Variants in MYO1A observed in about 807,000 individuals in gnomAD.
MYO1A encodes unconventional myosin-Ia.
A neutral mutation model predicts 138.5 loss-of-function variants in MYO1A; 127 were observed. The ratio of observed to expected loss-of-function variants is 0.92; its 90% CI spans 0.79 to 1.06. MYO1A has a LOEUF of 1.06. MYO1A is among the 50% of genes least tolerant of loss of function. The pLI is 0.00. For missense variants in MYO1A, 1,211 were observed against 1,288.8 expected (o/e 0.94, Z 0.92); for synonymous variants, 477 against 497.5 (o/e 0.96, Z 0.55).
chr12:57,048,239 G>C lies in MYO1A; in HGVS notation c.85C>G (p.Gln29Glu), dbSNP rs2031204669. 6.2e-7 allele frequency: 1 copy of C among 1,614,018 alleles called. No individual in the cohort carries two copies. Among genetic ancestry groups the C allele is most frequent in the African/African-American group, 1.3e-5 (1 of 74,934 alleles). Reference protein sequence around the residue: ...LVEESLLKNLQLRYENKEIYT... With the variant: ...LVEESLLKNLELRYENKEIYT... ...ATCTCCTTGTTTTCATAGCGAAGCT[G>C]AAGATTCTTGAGCAGTGACTCCTCC... Residue 29 changes from glutamine to glutamate, a missense_variant, in exon 2 of 28, where the codon CAG (glutamine) becomes GAG (glutamate). Physicochemically the swap from Gln to Glu is conservative, Grantham distance 29. Transcript: ENST00000300119.
intron 8 of MYO1A, among the ~76,000 whole-genome samples, chr12:57,045,158 G>A (rs2031042151): frequency 6.6e-6 from 1 of 152,220 alleles, no homozygotes; most frequent in South Asian, 2.1e-4. Context: ...GGTTGGGACT[G>A]TGTTTCTCAT....
chr12:57,030,169 G>T, intron 24 of MYO1A, 41 bp downstream of exon 24: 1 of 1,537,960 alleles, frequency 6.5e-7, no homozygotes, highest in Non-Finnish European at 9.0e-7. Flanking sequence ...GAGAACTGCT[G>T]CGTGATGGAA....
At chr12:57,043,005 G>C (rs1291942743) in intron 12 of MYO1A, 67 bp downstream of exon 12, 1 of 1,506,466 alleles carries the variant, frequency 6.6e-7, no homozygotes, top group African/African-American at 1.4e-5. Context: ...CCAAGATATA[G>C]GGCTGGTGAC....
Position 57,047,109 on chromosome 12 carries a change from T to G in MYO1A, c.431-2A>C, listed in dbSNP as rs2136458764. 1 of 1,613,996 alleles carries G rather than the reference T, an allele frequency of 6.2e-7. No individual in the cohort carries two copies. Among genetic ancestry groups the G allele is most frequent in the East Asian group, 2.2e-5 (1 of 44,874 alleles). On this transcript the variant is annotated splice_acceptor_variant, in intron 5 of 27. Transcript: ENST00000300119. LOFTEE classifies it high-confidence loss of function. The stretch of plus-strand genomic sequence containing the variant: ...GAATGGTCTTGGCATTGCCAAAAGC[T>G]ACAGAGATGAGGAGGGGAGAAGTGA...
chr12:57,029,970 A>C, intron 24 of MYO1A, 98 bp from the exon 25 acceptor site: 4 of 1,550,448 alleles, frequency 2.6e-6, no homozygotes, highest in South Asian at 1.1e-5. Flanking sequence ...CTTCCCCCAC[A>C]TCCACGTATC....
At position 57,029,183 on chromosome 12, in the gene MYO1A, C is replaced by G. The variant is rs147849120; in HGVS notation, c.2954G>C (p.Arg985Pro). The G allele has an allele frequency of 1.2e-5, 19 of 1,614,168 alleles. No homozygotes were observed. In the South Asian group the frequency reaches 2.1e-4, roughly 18 times the overall value. Residue 985 changes from arginine to proline, a missense_variant, in exon 27 of 28, where the codon CGG (arginine) becomes CCG (proline). Transcript: ENST00000300119. The stretch of plus-strand genomic sequence containing the variant: ...CCTCTGCGTGGCATCCAGCACAGCC[C>G]GGTACATTTTGGTCAGCAGTTCAAT... ...HVIELLTKMY[R>P]AVLDATQRQL...
At position 57,029,787 on chromosome 12, in the gene MYO1A, C is replaced by G; in HGVS notation, c.2677G>C (p.Val893Leu). ...QKLKGGEEGP[V>L]LMAEAVKKVN... ...TTCTTCACGGCCTCTGCCATCAGAACAGGCCCCTCCTCCCCGCCTTTCAGC... is the reference window on the plus strand; with the variant it reads ...TTCTTCACGGCCTCTGCCATCAGAAGAGGCCCCTCCTCCCCGCCTTTCAGC... Residue 893 changes from valine to leucine, a missense_variant, in exon 25 of 28, where the codon GTT (valine) becomes CTT (leucine). Val to Leu is a conservative substitution (Grantham distance 32). Coordinates refer to ENST00000300119, the MANE Select transcript of MYO1A (RefSeq NM_005379.4). The G allele has an allele frequency of 6.2e-7, 1 of 1,614,244 alleles. No individual in the cohort carries two copies. Among genetic ancestry groups the G allele is most frequent in the South Asian group, 1.1e-5 (1 of 91,084 alleles).
chr12:57,045,497 C>G (rs2031057259), intron 8 of MYO1A, among the ~76,000 whole-genome samples: 1 of 152,068 alleles, frequency 6.6e-6, no homozygotes, highest in Non-Finnish European at 1.5e-5. Context: ...AGATGACAGA[C>G]CAACCAGAAC....
Position 57,048,300 on chromosome 12 carries a change from C to T in MYO1A, c.24G>A (p.Val8=). The part of the protein sequence containing the change: MPLLEGS[V]GVEDLVLLEP... ...CCAGGAGGACAAGATCCTCCACCCC[C>T]ACAGAACCTTCCAGGAGAGGCATGT... The change falls in exon 2 of 28, where the codon GTG becomes GTA. Residue 8 remains valine (V), a synonymous_variant. Transcript: ENST00000300119. The T allele has an allele frequency of 6.2e-7, 1 of 1,614,162 alleles. No homozygotes were observed. The highest frequency in any genetic ancestry group is 8.5e-7 in the Non-Finnish European group (1 of 1,179,998).
At chr12:57,039,160 G>A in intron 15 of MYO1A, 52 bp downstream of exon 15, 1 of 1,582,950 alleles carries the variant, frequency 6.3e-7, no homozygotes, top group African/African-American at 1.3e-5. Flanking sequence ...GGGGAAGGAT[G>A]TTCAGGCAGT....
chr12:57,039,631 G>A (rs1037158091), intron 14 of MYO1A, among the ~76,000 whole-genome samples: 1 of 152,148 alleles, frequency 6.6e-6, no homozygotes, highest in Non-Finnish European at 1.5e-5. Context: ...GTGCAACAGC[G>A]GCCACACTAC....
intron 22 of MYO1A, among the ~76,000 whole-genome samples, chr12:57,035,938 G>A (rs557120535): frequency 6.7e-4 from 102 of 152,338 alleles, no homozygotes; most frequent in Non-Finnish European, 1.3e-4. Flanking sequence ...GGTTGAGCTA[G>A]TTAATGTGTG....
Position 57,029,463 on chromosome 12 carries a change from T to G in MYO1A, c.2849A>C (p.Asp950Ala), listed in dbSNP as rs1311899730. 2.5e-6 allele frequency: 4 copies of G among 1,614,080 alleles called. No homozygotes were observed. The highest frequency in any genetic ancestry group is 3.4e-6 in the Non-Finnish European group (4 of 1,180,000). ...ACTCAGATGCAAGCTAAAGAGCCCA[T>G]CCTTGAGGCTGGTGACTGACACCCC... is the stretch of plus-strand genomic sequence containing the variant. ...VAGVSVTSLK[D>A]GLFSLHLSEM... Residue 950 changes from aspartate to alanine, a missense_variant, in exon 26 of 28, where the codon GAT becomes GCT. Coordinates refer to ENST00000300119, the MANE Select transcript of MYO1A (RefSeq NM_005379.4).
chr12:57,041,777 C>G (rs569046826), intron 12 of MYO1A, among the ~76,000 whole-genome samples: 48 of 152,338 alleles, frequency 3.2e-4, no homozygotes, highest in African/African-American at 1.1e-3. Flanking sequence ...CAATAACCAT[C>G]TCTTATATTT....
chr12:57,031,026 T>G lies in MYO1A; in HGVS notation c.2484+14A>C, dbSNP rs2030253903. The G allele has an allele frequency of 3.7e-6, 6 of 1,613,118 alleles. No individual in the cohort carries two copies. The highest frequency in any genetic ancestry group is 5.1e-6 in the Non-Finnish European group (6 of 1,179,628). ...AAGACGAAATGAGAGGAGGGGTGCC[T>G]GGGCTCCACTTGCCTTCCACTGGTA... On this transcript the variant is annotated intron_variant, in intron 23 of 27. Coordinates refer to ENST00000300119, the MANE Select transcript of MYO1A (RefSeq NM_005379.4).
At chr12:57,029,312 G>A (rs2030141756) in intron 26 of MYO1A, 53 bp from the exon 27 acceptor site, 2 of 1,613,440 alleles carry the variant, frequency 1.2e-6, no homozygotes, top group African/African-American at 2.7e-5. Flanking sequence ...CTCTTCAGGA[G>A]CACCTGAGGG....
chr12:57,035,371 T>C (rs1277986576), intron 22 of MYO1A, among the ~76,000 whole-genome samples: 2 of 152,078 alleles, frequency 1.3e-5, no homozygotes, highest in Non-Finnish European at 2.9e-5. Flanking sequence ...GACGAGCAAA[T>C]GAAGGCTCAG....
chr12:57,043,894 G>T lies in MYO1A; in HGVS notation c.854C>A (p.Ala285Asp). ...GNVLVADEFQ[A>D]SGIPASGIRD... ...GATGCCACTTGCTGGTATCCCACTGGCCTGGAACTCATCAGCCACCAACAC... is the reference window on the plus strand; with the variant it reads ...GATGCCACTTGCTGGTATCCCACTGTCCTGGAACTCATCAGCCACCAACAC... Residue 285 changes from alanine to aspartate, a missense_variant, in exon 10 of 28, where the codon GCC (alanine) becomes GAC (aspartate). Coordinates refer to ENST00000300119, the MANE Select transcript of MYO1A (RefSeq NM_005379.4). 1 of 1,614,046 alleles carries T rather than the reference G, an allele frequency of 6.2e-7. No homozygotes were observed. Among genetic ancestry groups the T allele is most frequent in the South Asian group, 1.1e-5 (1 of 91,076 alleles).
chr12:57,043,886 TC>T lies in MYO1A; in HGVS notation c.861del (p.Ile288TyrfsTer21). 6.2e-6 allele frequency: 10 copies of T among 1,614,050 alleles called. No individual in the cohort carries two copies. Among genetic ancestry groups the T allele is most frequent in the Non-Finnish European group, 7.6e-6 (9 of 1,179,980 alleles). On this transcript the variant is annotated frameshift_variant, in exon 10 of 28. Transcript: ENST00000300119. LOFTEE classifies it high-confidence loss of function. ...VLVADEFQAS[G>X]IPASGIRDGR... ...CCATCACGGATGCCACTTGCTGGTATCCCACTGGCCTGGAACTCATCAGCCA... is the reference window on the plus strand; with the variant it reads ...CCATCACGGATGCCACTTGCTGGTATCCACTGGCCTGGAACTCATCAGCCA...
Sources: allele counts gnomAD v4.1 joint callset (sites outside exome capture counted in the v4.1 genomes callset), GRCh38; gene constraint gnomAD v4.1.1; transcripts MANE v1.5; gene names NCBI Gene and HGNC (gene_info 2026-07-23, HGNC 2026-07-21).